Variants in PCDHGA1 observed in about 807,000 individuals in gnomAD.
PCDHGA1 encodes protocadherin gamma-A1.
Under a neutral mutation model 58.0 loss-of-function variants are expected in PCDHGA1, and 32 were observed. That is an observed-to-expected ratio of 0.55 (90% CI 0.42 to 0.74). PCDHGA1 has a LOEUF of 0.74. PCDHGA1 is among the 30% of genes least tolerant of loss of function. The pLI is 0.00. For missense variants in PCDHGA1, 1,205 were observed against 1,182.3 expected, an observed-to-expected ratio of 1.02 and a Z score of -0.28; for synonymous variants, 498 against 501.1, an observed-to-expected ratio of 0.99 and a Z score of 0.08.
Position 141,477,678 on chromosome 5 carries a change from C to T in PCDHGA1, c.2422-17129C>T, listed in dbSNP as rs967769574. ...AATCGTGACAATGGCATAGTGTCAT[C>T]CTTAGTGCCCCTAGACTATGAGGAT... On this transcript the variant is annotated intron_variant, in intron 1 of 3. Coordinates refer to ENST00000517417, the MANE Select transcript of PCDHGA1 (RefSeq NM_018912.3). This position sits in a 1 kb window ranked among gnomAD's most constrained non-coding sequence, Gnocchi z 4.9. 9.9e-6 allele frequency: 16 copies of T among 1,614,182 alleles called. No homozygotes were observed. The highest frequency in any genetic ancestry group is 1.1e-5 in the Non-Finnish European group (13 of 1,180,046).
chr5:141,382,652 G>A, intron 1 of PCDHGA1: 1 of 410,070 alleles, frequency 2.4e-6, no homozygotes, highest in Non-Finnish European at 4.3e-6. Flanking sequence ...AACTTAGTAA[G>A]GACTCACAGC....
intron 3 of PCDHGA1, chr5:141,507,166 GTCC>G (rs1475125845): frequency 6.6e-5 from 10 of 152,288 alleles, no homozygotes; most frequent in Non-Finnish European, 1.2e-4. Context: ...ATGAGAGGCT[GTCC>G]TCTTCCTCGA....
At chr5:141,356,596 C>T (rs1274610162) in intron 1 of PCDHGA1, 1 of 1,614,026 alleles carries the variant, frequency 6.2e-7, no homozygotes, top group Non-Finnish European at 8.5e-7. Flanking sequence ...TGAAAACAAC[C>T]CCAGAGGAGC....
intron 1 of PCDHGA1, chr5:141,421,105 G>A: frequency 1.4e-6 from 1 of 700,910 alleles, no homozygotes; most frequent in Non-Finnish European, 2.3e-6. Context: ...TGGAGACTTA[G>A]AAGTATTTTC....
chr5:141,462,852 T>C (rs1334709435), intron 1 of PCDHGA1, among the ~76,000 whole-genome samples: 1 of 152,202 alleles, frequency 6.6e-6, no homozygotes. Flanking sequence ...TTTTGAGTGT[T>C]TGGATTTTGT....
At chr5:141,418,530 G>T in intron 1 of PCDHGA1, 6 of 1,613,952 alleles carry the variant, frequency 3.7e-6, no homozygotes, top group Non-Finnish European at 5.1e-6. Flanking sequence ...CCCCGAAGCG[G>T]TACTGCTCAG....
intron 1 of PCDHGA1, among the ~76,000 whole-genome samples, chr5:141,335,029 C>T (rs1260216181): frequency 6.6e-6 from 1 of 152,218 alleles, no homozygotes; most frequent in Admixed American, 6.5e-5. Context: ...TGTCAACACA[C>T]TGTTATTTTT....
In PCDHGA1 at chr5:141,493,521, G is replaced by A. The variant is rs967636266; in HGVS notation, c.2422-1286G>A. Among the ~76,000 whole-genome samples the A allele has an allele frequency of 3.9e-5, 6 of 152,242 alleles. No homozygotes were observed. In the East Asian group the frequency reaches 7.7e-4, roughly 20 times the overall value. The stretch of plus-strand genomic sequence containing the variant: ...CTCATTTCTGAGCAGTCCCCGCAGC[G>A]CAAACTTGGCCAGTTATCCTTTTGG... On this transcript the variant is annotated intron_variant, in intron 1 of 3. Coordinates refer to ENST00000517417, the MANE Select transcript of PCDHGA1 (RefSeq NM_018912.3). This position sits in a 1 kb window ranked among gnomAD's most constrained non-coding sequence, Gnocchi z 4.3.
intron 1 of PCDHGA1, chr5:141,418,882 C>G: frequency 1.2e-6 from 2 of 1,613,960 alleles, no homozygotes; most frequent in Non-Finnish European, 1.7e-6. Flanking sequence ...TAGACGAAAA[C>G]GACAACAGCC....
chr5:141,364,502 G>A (rs781499695), intron 1 of PCDHGA1: 2 of 1,614,026 alleles, frequency 1.2e-6, no homozygotes, highest in Non-Finnish European at 1.7e-6. Flanking sequence ...GGAGCCCCAG[G>A]AGCTGGCGGA....
At chr5:141,481,913 C>CAAA (rs34114744) in intron 1 of PCDHGA1, among the ~76,000 whole-genome samples, 3 of 90,796 alleles carry the variant, frequency 3.3e-5, no homozygotes, top group Non-Finnish European at 4.4e-5. Flanking sequence ...AACTCCATCT[C>CAAA]AAAAAAAAAA....
chr5:141,448,545 A>T lies in PCDHGA1; in HGVS notation c.2422-46262A>T, dbSNP rs537259621. On this transcript the variant is annotated intron_variant, in intron 1 of 3. Coordinates refer to ENST00000517417, the MANE Select transcript of PCDHGA1 (RefSeq NM_018912.3). ...AGCATCCTGTCAGCATTTCTTATGC[A>T]AATATGTACATATATTTTTATTTCC... 1.5e-4 allele frequency among the ~76,000 whole-genome samples: 23 copies of T among 152,334 alleles called. 1 individual carries two copies. The South Asian group carries it at 2.7e-3, about 18-fold the overall frequency.
chr5:141,366,854 C>A (rs1018356495), intron 1 of PCDHGA1: 8 of 1,453,350 alleles, frequency 5.5e-6, no homozygotes, highest in Non-Finnish European at 7.4e-6. Context: ...AATAGTGGAA[C>A]ATTATTTGCT....
intron 3 of PCDHGA1, among the ~76,000 whole-genome samples, chr5:141,506,417 A>C (rs1326078146): frequency 6.8e-6 from 1 of 147,658 alleles, no homozygotes; most frequent in Non-Finnish European, 1.5e-5. Context: ...ACTGCACTCC[A>C]GCCTGGGCAA....
intron 1 of PCDHGA1, chr5:141,402,869 C>G (rs1051518401): frequency 6.7e-5 from 97 of 1,448,564 alleles, no homozygotes; most frequent in Admixed American, 6.1e-4. Flanking sequence ...GAAAAGATCA[C>G]CATACTTTGC....
chr5:141,353,490 G>T (rs1435976682), intron 1 of PCDHGA1, among the ~76,000 whole-genome samples: 3 of 152,106 alleles, frequency 2.0e-5, no homozygotes, highest in Non-Finnish European at 4.4e-5. Flanking sequence ...TTAACACTTT[G>T]TCTCATCACA....
rs146306949 is a variant in PCDHGA1, at chr5:141,340,898, G to T, written c.2421+7793G>T. ...CAGAGACGCGCTCAAGCAGAGCCTC[G>T]TGGTGGCCATCCAGGACCACGGCCA... On this transcript the variant is annotated intron_variant, in intron 1 of 3. Coordinates refer to ENST00000517417, the MANE Select transcript of PCDHGA1 (RefSeq NM_018912.3). 571 of 1,613,702 alleles carry T rather than the reference G, an allele frequency of 3.5e-4. 2 individuals carry two copies. Among genetic ancestry groups the T allele is most frequent in the Admixed American group, 6.3e-4 (38 of 60,020 alleles).
chr5:141,500,062 TAA>T (rs1314388217), intron 2 of PCDHGA1, among the ~76,000 whole-genome samples: 1 of 152,144 alleles, frequency 6.6e-6, no homozygotes, highest in East Asian at 1.9e-4. Flanking sequence ...TCTTTTAATG[TAA>T]AAGACTTCCC....
intron 2 of PCDHGA1, 80 bp downstream of exon 2, chr5:141,494,945 C>G (rs2099757788): frequency 6.2e-7 from 1 of 1,608,958 alleles, no homozygotes; most frequent in Non-Finnish European, 8.5e-7. Flanking sequence ...GGGGGAGGGC[C>G]CAGCATTTGC....
Sources: allele counts gnomAD v4.1 joint callset (sites outside exome capture counted in the v4.1 genomes callset), GRCh38; gene constraint gnomAD v4.1.1; non-coding constraint Gnocchi (gnomAD v3.1); transcripts MANE v1.5; gene names NCBI Gene and HGNC (gene_info 2026-07-23, HGNC 2026-07-21).